Variants in GRIK5 observed in about 807,000 individuals in gnomAD.
GRIK5 encodes the protein glutamate receptor ionotropic, kainate 5.
GRIK5 carries 43 observed loss-of-function variants against 97.4 expected under a neutral mutation model. The ratio of observed to expected loss-of-function variants is 0.44; its 90% CI spans 0.35 to 0.57. The LOEUF is 0.57. GRIK5 is among the 20% of genes least tolerant of loss of function. The pLI, the probability that GRIK5 is intolerant of heterozygous loss-of-function variation, is 0.01. For missense variants in GRIK5, 1,015 were observed against 1,382.0 expected (o/e 0.73, Z 4.21); for synonymous variants, 580 against 583.5 (o/e 0.99, Z 0.09).
At chr19:42,066,520 G>A (rs2076334655) in intron 1 of GRIK5, among the ~76,000 whole-genome samples, 1 of 151,404 alleles carries the variant, frequency 6.6e-6, no homozygotes, top group South Asian at 2.1e-4. Context: ...CAGAGAAAGT[G>A]AAAGAGAGGC....
rs2075408352 is a variant in GRIK5, at chr19:41,999,585, GTC to G, written c.2515-288_2515-287del. On this transcript the variant is annotated intron_variant, in intron 19 of 19. Coordinates refer to ENST00000593562, the MANE Select transcript of GRIK5 (RefSeq NM_002088.5). The surrounding 1 kb of genome is among the most constrained non-coding windows in gnomAD (Gnocchi z 5.0). The stretch of plus-strand genomic sequence containing the variant: ...CTCTCTTTCCTCTGGTCTTTTCACT[GTC>G]TCTAAATTTTCTCCAGTTCTTCCTT... Among the ~76,000 whole-genome samples the G allele has an allele frequency of 6.6e-6, 1 of 151,996 alleles. No individual in the cohort carries two copies. The highest frequency in any genetic ancestry group is 2.1e-4 in the South Asian group (1 of 4,816).
chr19:42,045,105 C>T (rs1190028873), intron 11 of GRIK5, among the ~76,000 whole-genome samples: 1 of 152,192 alleles, frequency 6.6e-6, no homozygotes, highest in Non-Finnish European at 1.5e-5. Context: ...GGTTAGGTGA[C>T]CTCTGTCACC....
chr19:42,008,723 G>C (rs1274904269), intron 15 of GRIK5, among the ~76,000 whole-genome samples: 1 of 152,144 alleles, frequency 6.6e-6, no homozygotes, highest in African/African-American at 2.4e-5. Flanking sequence ...TGACATAGAT[G>C]ATGACGGAAT....
At chr19:42,028,928 C>G (rs1377315832) in intron 12 of GRIK5, among the ~76,000 whole-genome samples, 2 of 152,206 alleles carry the variant, frequency 1.3e-5, no homozygotes, top group East Asian at 3.9e-4. Flanking sequence ...TACTTACACT[C>G]TTGGCCAGAA....
chr19:42,064,467 G>A (rs895859810), intron 3 of GRIK5, among the ~76,000 whole-genome samples: 14 of 150,858 alleles, frequency 9.3e-5, no homozygotes, highest in African/African-American at 3.2e-4. Context: ...CTCCCACCCC[G>A]ATCCCCACCT....
chr19:42,056,651 T>C lies in GRIK5; in HGVS notation c.903+11A>G. 1 of 1,612,842 alleles carries C rather than the reference T, an allele frequency of 6.2e-7. No individual in the cohort carries two copies. The highest frequency in any genetic ancestry group is 8.5e-7 in the Non-Finnish European group (1 of 1,178,942). On this transcript the variant is annotated intron_variant, in intron 8 of 19. Transcript: ENST00000593562. ...GTGTTTCTGGGTGTGACTGGGTATC[T>C]GTGTGCTCACCGCAGGGCCCAGGTA...
intron 15 of GRIK5, among the ~76,000 whole-genome samples, chr19:42,017,521 A>G (rs147293003): frequency 6.6e-6 from 1 of 152,334 alleles, no homozygotes; most frequent in East Asian, 1.9e-4. Context: ...GTCTGCAAGC[A>G]CTGAAAACTC....
intron 12 of GRIK5, among the ~76,000 whole-genome samples, chr19:42,031,095 G>A (rs1280056278): frequency 6.6e-6 from 1 of 152,168 alleles, no homozygotes; most frequent in Non-Finnish European, 1.5e-5. Flanking sequence ...AGCTGCCAAG[G>A]GCTGTGCTGA....
In GRIK5 at chr19:42,042,899, C is replaced by T; in HGVS notation, c.1270-144G>A. On this transcript the variant is annotated intron_variant, in intron 11 of 19. Coordinates refer to ENST00000593562, the MANE Select transcript of GRIK5 (RefSeq NM_002088.5). This position sits in a 1 kb window ranked among gnomAD's most constrained non-coding sequence, Gnocchi z 6.9. ...ATTCATAGTACACATTTCTCACTTA[C>T]AAATGCTCAGAGTGGGGAATAGACC... The T allele has an allele frequency of 1.5e-6, 1 of 656,888 alleles. No homozygotes were observed. Among genetic ancestry groups the T allele is most frequent in the Non-Finnish European group, 2.6e-6 (1 of 383,156 alleles). The allele number at this position is 656,888 out of a possible 1,614,324, so 40.7% of individuals were successfully genotyped here. A position where few individuals can be genotyped will look rare whatever the true frequency, so the allele number is the denominator to read the frequency against.
At chr19:42,037,396 T>A (rs932689712) in intron 12 of GRIK5, among the ~76,000 whole-genome samples, 3 of 152,066 alleles carry the variant, frequency 2.0e-5, no homozygotes, top group African/African-American at 7.2e-5. Flanking sequence ...GAGGCAGAGG[T>A]TGCAGTGAGC....
At chr19:42,068,322 CAGG>C in intron 1 of GRIK5, among the ~76,000 whole-genome samples, 1 of 152,182 alleles carries the variant, frequency 6.6e-6, no homozygotes, top group South Asian at 2.1e-4. Flanking sequence ...TGTGGGGGAG[CAGG>C]AGATCCTGGG....
chr19:42,013,508 C>T (rs1213717346), intron 15 of GRIK5, among the ~76,000 whole-genome samples: 8 of 144,264 alleles, frequency 5.5e-5, no homozygotes, highest in South Asian at 2.1e-4. Flanking sequence ...CTCCCAGGTT[C>T]GCGCCATTCT....
At chr19:42,047,801 T>C (rs2076061311) in intron 11 of GRIK5, among the ~76,000 whole-genome samples, 1 of 151,616 alleles carries the variant, frequency 6.6e-6, no homozygotes, top group African/African-American at 2.4e-5. Context: ...GAAACCCCTA[T>C]CTCTACTAAA....
In GRIK5 at chr19:42,006,620, G is replaced by T; in HGVS notation, c.2037+25C>A. Reference sequence around the variant, plus strand: ...TGCATGGCAGGGATCCCAACACCACGCCTGAGAGGTTCTGGTGGCCCCACC... The same window carrying T: ...TGCATGGCAGGGATCCCAACACCACTCCTGAGAGGTTCTGGTGGCCCCACC... On this transcript the variant is annotated intron_variant, in intron 16 of 19. Coordinates refer to ENST00000593562, the MANE Select transcript of GRIK5 (RefSeq NM_002088.5). The surrounding 1 kb of genome is among the most constrained non-coding windows in gnomAD (Gnocchi z 5.3). 1 of 1,607,544 alleles carries T rather than the reference G, an allele frequency of 6.2e-7. No homozygotes were observed. The highest frequency in any genetic ancestry group is 8.5e-7 in the Non-Finnish European group (1 of 1,174,754).
At position 42,005,918 on chromosome 19, in the gene GRIK5, A is replaced by C; in HGVS notation, c.2068T>G (p.Trp690Gly). The C allele has an allele frequency of 6.3e-7, 1 of 1,598,522 alleles. No homozygotes were observed. The highest frequency in any genetic ancestry group is 8.6e-7 in the Non-Finnish European group (1 of 1,168,612). ...NSRYQTYQRMWNYMQSKQPSV... is the reference protein window; with the variant it reads ...NSRYQTYQRMGNYMQSKQPSV... ...GGCTGCTTCGACTGCATGTAGTTCC[A>C]CATGCGCTGGTACGTTTGGTACCGT... The change falls in exon 17 of 20, where the codon TGG becomes GGG. Residue 690 changes from tryptophan (W) to glycine (G), a missense_variant. By Grantham distance (184) the Trp-to-Gly change is radical. Transcript: ENST00000593562.
intron 11 of GRIK5, among the ~76,000 whole-genome samples, chr19:42,048,372 G>A (rs113986889): frequency 0.016 from 2,464 of 152,006 alleles, 80 homozygotes; most frequent in African/African-American, 0.057. Context: ...CTGTAATCCC[G>A]GCACTTTGGG....
Position 42,042,878 on chromosome 19 carries a change from A to C in GRIK5, c.1270-123T>G, listed in dbSNP as rs113280609. On this transcript the variant is annotated intron_variant, in intron 11 of 19. Coordinates refer to ENST00000593562, the MANE Select transcript of GRIK5 (RefSeq NM_002088.5). The surrounding 1 kb of genome is among the most constrained non-coding windows in gnomAD (Gnocchi z 6.9). The stretch of plus-strand genomic sequence containing the variant: ...CTTGCTGAGCACGGTTGATTTATTC[A>C]TAGTACACATTTCTCACTTACAAAT... 7.6e-4 allele frequency: 539 copies of C among 706,552 alleles called. 11 individuals carry two copies. The African/African-American group carries it at 8.3e-3, about 11-fold the overall frequency. The allele number at this position is 706,552 out of a possible 1,614,324, so 43.8% of individuals were successfully genotyped here.
chr19:42,022,263 C>G lies in GRIK5; in HGVS notation c.1565G>C (p.Ser522Thr). The G allele has an allele frequency of 1.2e-6, 2 of 1,612,792 alleles. No individual in the cohort carries two copies. The highest frequency in any genetic ancestry group is 1.7e-6 in the Non-Finnish European group (2 of 1,178,778). ...TACCATGTGCACTCGGTAGAGGATG[C>G]TGATCCCCAGGGTCATAAAGGGCTT... ...FSKPFMTLGI[S>T]ILYRVHMGRK... The change falls in exon 13 of 20, where the codon AGC becomes ACC. Residue 522 changes from serine to threonine, a missense_variant. By Grantham distance (58) the Ser-to-Thr change is moderately conservative. This residue lies in a region of GRIK5 where 477 missense variants were observed against 701.1 expected (regional missense o/e 0.68). Coordinates refer to ENST00000593562, the MANE Select transcript of GRIK5 (RefSeq NM_002088.5). This position sits in a 1 kb window ranked among gnomAD's most constrained non-coding sequence, Gnocchi z 4.2.
intron 15 of GRIK5, among the ~76,000 whole-genome samples, chr19:42,017,675 AC>A (rs2075640947): frequency 6.6e-6 from 1 of 152,170 alleles, no homozygotes; most frequent in South Asian, 2.1e-4. Context: ...AGGGTGGCTA[AC>A]CGGGCGAATG....
Sources: gnomAD v4.1 joint callset for allele counts (sites outside exome capture counted in the v4.1 genomes callset) on GRCh38, gnomAD v4.1.1 for gene constraint, gnomAD v4.1.1 regional missense constraint, Gnocchi (gnomAD v3.1) non-coding constraint, MANE v1.5 for transcripts, NCBI Gene and HGNC (gene_info 2026-07-23, HGNC 2026-07-21) for gene names.